The following NBAS variants were observed in gnomAD, a reference collection of about 807,000 sequenced individuals.
NBAS encodes the protein NAG/BC035112 fusion.
Under a neutral mutation model 302.5 loss-of-function variants are expected in NBAS, and 219 were observed. The observed-to-expected ratio is 0.72, with a 90% CI of 0.65 to 0.81. NBAS has a LOEUF of 0.81. Ranked by LOEUF, NBAS falls within the 30% of genes least tolerant of loss-of-function variation. The pLI is 0.00. For missense variants in NBAS, 2,932 were observed against 2,841.6 expected (o/e 1.03, Z -0.72); for synonymous variants, 1,118 against 1,021.6 (o/e 1.09, Z -1.80).
the NBAS span, among the ~76,000 whole-genome samples, chr2:15,090,835 C>T: frequency 6.6e-6 from 1 of 152,206 alleles, no homozygotes; most frequent in African/African-American, 2.4e-5. Context: ...ACACGCTAGC[C>T]TTACATAGCC....
At chr2:15,457,724 G>C (rs1181447919) in intron 21 of NBAS, among the ~76,000 whole-genome samples, 1 of 152,168 alleles carries the variant, frequency 6.6e-6, no homozygotes, top group Non-Finnish European at 1.5e-5. Flanking sequence ...CCAACAAATA[G>C]GACACTGCTC....
At chr2:15,249,057 A>G (rs1414641986) in intron 44 of NBAS, among the ~76,000 whole-genome samples, 2 of 152,190 alleles carry the variant, frequency 1.3e-5, no homozygotes, top group African/African-American at 4.8e-5. Context: ...TCGATGCAAA[A>G]ATCCTCAATA....
intron 44 of NBAS, among the ~76,000 whole-genome samples, chr2:15,259,068 G>A (rs1668734162): frequency 6.6e-6 from 1 of 152,046 alleles, no homozygotes; most frequent in African/African-American, 2.4e-5. Flanking sequence ...TATTGGGGGT[G>A]GGTTCCCCCG....
chr2:14,904,448 G>A, the NBAS span, among the ~76,000 whole-genome samples: 1 of 152,224 alleles, frequency 6.6e-6, no homozygotes, highest in African/African-American at 2.4e-5. Context: ...CATCCAGCAC[G>A]GGAGAAAGAT....
the NBAS span, among the ~76,000 whole-genome samples, chr2:14,830,866 T>G: frequency 3.9e-5 from 6 of 152,216 alleles, no homozygotes; most frequent in African/African-American, 1.4e-4. Context: ...GCCAGCTCCT[T>G]GATTTACACA....
At chr2:15,136,249 C>A in the NBAS span, among the ~76,000 whole-genome samples, 1 of 152,186 alleles carries the variant, frequency 6.6e-6, no homozygotes, top group Admixed American at 6.5e-5. Context: ...AGAGTGTATT[C>A]TTTTATCAGG....
At chr2:15,064,518 T>C in the NBAS span, among the ~76,000 whole-genome samples, 1 of 151,504 alleles carries the variant, frequency 6.6e-6, no homozygotes, top group Non-Finnish European at 1.5e-5. Context: ...ATAAATAAAA[T>C]AAAGAAACAG....
chr2:15,340,134 C>G (rs1020993096), intron 35 of NBAS, among the ~76,000 whole-genome samples: 1 of 152,130 alleles, frequency 6.6e-6, no homozygotes, highest in Non-Finnish European at 1.5e-5. Context: ...CTGATGTATT[C>G]TGAAAGAATC....
At chr2:14,837,321 A>C in the NBAS span, among the ~76,000 whole-genome samples, 1 of 152,044 alleles carries the variant, frequency 6.6e-6, no homozygotes, top group South Asian at 2.1e-4. Flanking sequence ...GAAAAAGGGA[A>C]ATATATCATG....
chr2:15,119,027 G>A, the NBAS span, among the ~76,000 whole-genome samples: 2 of 152,200 alleles, frequency 1.3e-5, no homozygotes, highest in African/African-American at 4.8e-5. Flanking sequence ...GGGATGAGGT[G>A]TGCTGGCCTC....
intron 35 of NBAS, among the ~76,000 whole-genome samples, chr2:15,345,037 C>T (rs534516417): frequency 6.6e-6 from 1 of 152,022 alleles, no homozygotes; most frequent in African/African-American, 2.4e-5. Flanking sequence ...AATGACAAAC[C>T]CAAAGCCAAT....
intron 47 of NBAS, among the ~76,000 whole-genome samples, chr2:15,220,162 G>T (rs1157344113): frequency 9.7e-5 from 14 of 144,872 alleles, no homozygotes; most frequent in African/African-American, 2.0e-4. Context: ...GGACGGGGCG[G>T]CTGGCCGGGC....
At chr2:14,851,107 C>G in the NBAS span, among the ~76,000 whole-genome samples, 3 of 125,998 alleles carry the variant, frequency 2.4e-5, 1 homozygote, top group Non-Finnish European at 4.7e-5. Flanking sequence ...AATAGAGACA[C>G]AAAAAACCCT....
At chr2:14,899,106 T>C in the NBAS span, among the ~76,000 whole-genome samples, 92,648 of 151,970 alleles carry the variant, frequency 0.61, 30,588 homozygotes, top group African/African-American at 0.88. Flanking sequence ...CAGCTCTGTG[T>C]TCCCAAAAAG....
At chr2:14,872,407 TA>T in the NBAS span, among the ~76,000 whole-genome samples, 199 of 152,254 alleles carry the variant, frequency 1.3e-3, no homozygotes, top group Non-Finnish European at 2.1e-3. Flanking sequence ...AGAATATGCA[TA>T]TTTTTTTTCT....
chr2:15,433,549 G>A (rs757256961), intron 21 of NBAS, among the ~76,000 whole-genome samples: 57 of 152,046 alleles, frequency 3.7e-4, no homozygotes, highest in Non-Finnish European at 7.2e-4. Context: ...TAACAACTGC[G>A]ATAACCTCCA....
chr2:15,206,290 T>C (rs1476872332), intron 48 of NBAS, among the ~76,000 whole-genome samples: 1 of 152,152 alleles, frequency 6.6e-6, no homozygotes, highest in Non-Finnish European at 1.5e-5. Context: ...GCAGTAAGTG[T>C]CCAAGATGTG....
the NBAS span, among the ~76,000 whole-genome samples, chr2:14,928,697 G>T: frequency 6.6e-6 from 1 of 151,636 alleles, no homozygotes; most frequent in Non-Finnish European, 1.5e-5. Flanking sequence ...TCACTATGAC[G>T]TTAGTTGCTA....
chr2:14,948,577 G>A, the NBAS span, among the ~76,000 whole-genome samples: 1 of 151,730 alleles, frequency 6.6e-6, no homozygotes, highest in Non-Finnish European at 1.5e-5. Flanking sequence ...AAACCATGAA[G>A]CAATGATGAA....
Sources: allele counts gnomAD v4.1 joint callset (sites outside exome capture counted in the v4.1 genomes callset), GRCh38; gene constraint gnomAD v4.1.1; transcripts MANE v1.5; gene names NCBI Gene and HGNC (gene_info 2026-07-23, HGNC 2026-07-21).